Variants in ZBBX observed in about 807,000 individuals in gnomAD.
The protein encoded by ZBBX is zinc finger B-box domain containing.
In ZBBX, 101 loss-of-function variants were observed where a neutral mutation model predicts 108.5. That is an observed-to-expected ratio of 0.93 (90% CI 0.79 to 1.10). The LOEUF (loss-of-function observed/expected upper bound fraction) is 1.10. Among genes scored for constraint, ZBBX ranks in the 50% least tolerant of loss-of-function variants. The pLI is 0.00. For synonymous variants in ZBBX, 356 were observed against 323.4 expected, an observed-to-expected ratio of 1.10 and a Z score of -1.08; for missense variants, 1,009 against 941.4, an observed-to-expected ratio of 1.07 and a Z score of -0.94.
chr3:167,300,243 T>C (rs1311384386), intron 17 of ZBBX, among the ~76,000 whole-genome samples: 1 of 152,178 alleles, frequency 6.6e-6, no homozygotes, highest in Non-Finnish European at 1.5e-5. Context: ...CTATGACAGA[T>C]TATTCCTGAA....
rs116350310 is a variant in ZBBX, at chr3:167,368,825, T to C, written c.69-251A>G. ...CATTGCTAGGGGTTCAAAATTATAA[T>C]TAACTTCATATATAAGGCATGTTTT... is the stretch of plus-strand genomic sequence containing the variant. On this transcript the variant is annotated intron_variant, in intron 4 of 21. Coordinates refer to ENST00000675490, the MANE Select transcript of ZBBX (RefSeq NM_001199201.2). 2.9e-3 allele frequency: 2,235 copies of C among 773,142 alleles called. 42 individuals are homozygous for C. In the African/African-American group the frequency reaches 0.038, roughly 13 times the overall value. 47.9% of individuals were successfully genotyped at this position (773,142 alleles called of 1,614,324 possible).
chr3:167,303,392 T>C (rs192234161), intron 17 of ZBBX, among the ~76,000 whole-genome samples: 105 of 152,304 alleles, frequency 6.9e-4, no homozygotes, highest in South Asian at 1.9e-3. Context: ...GTACATATTA[T>C]CCTCATTCAA....
intron 1 of ZBBX, 106 bp downstream of exon 1, chr3:167,380,141 G>C (rs1364690192): frequency 6.6e-6 from 1 of 152,564 alleles, no homozygotes; most frequent in Non-Finnish European, 1.5e-5. Flanking sequence ...CTTCCCAGCC[G>C]CGCTGCCCGC....
chr3:167,391,181 G>A (rs1469195190), intron 1 of ZBBX, among the ~76,000 whole-genome samples: 2 of 152,052 alleles, frequency 1.3e-5, no homozygotes, highest in African/African-American at 4.8e-5. Context: ...TTTATTGAGA[G>A]TCATTCTCAT....
intron 19 of ZBBX, among the ~76,000 whole-genome samples, chr3:167,282,781 C>G (rs977672178): frequency 2.6e-5 from 4 of 152,052 alleles, no homozygotes; most frequent in Non-Finnish European, 4.4e-5. Flanking sequence ...TATCTATAAA[C>G]TAAGTCAACT....
chr3:167,321,422 G>A (rs1329477587), intron 12 of ZBBX, among the ~76,000 whole-genome samples: 2 of 151,988 alleles, frequency 1.3e-5, no homozygotes, highest in Non-Finnish European at 2.9e-5. Flanking sequence ...CTCTTCCACA[G>A]ATGGAATGGG....
In ZBBX at chr3:167,271,876, C is replaced by T. The variant is rs375080501; in HGVS notation, c.2254+10362G>A. ...GAAGCTATTCCCTTTTCAAATGCAA[C>T]GGCCAATAATGTAGTAAAAGCACTA... On this transcript the variant is annotated intron_variant, in intron 20 of 21. Coordinates refer to ENST00000675490, the MANE Select transcript of ZBBX (RefSeq NM_001199201.2). Among the ~76,000 whole-genome samples the T allele has an allele frequency of 1.1e-3, 161 of 152,208 alleles. 2 individuals carry two copies. Among genetic ancestry groups the T allele is most frequent in the Middle Eastern group, 0.01 (3 of 294 alleles).
chr3:167,291,493 A>G (rs1368897843), intron 18 of ZBBX, among the ~76,000 whole-genome samples: 1 of 152,176 alleles, frequency 6.6e-6, no homozygotes, highest in Non-Finnish European at 1.5e-5. Context: ...TCATTTACAG[A>G]CAAGCAAATG....
intron 17 of ZBBX, among the ~76,000 whole-genome samples, chr3:167,304,764 A>G (rs1412303483): frequency 6.6e-6 from 1 of 152,156 alleles, no homozygotes; most frequent in East Asian, 1.9e-4. Context: ...TGTTGCACCT[A>G]TGGGTATGTT....
chr3:167,346,106 A>T (rs1444141295), intron 9 of ZBBX, among the ~76,000 whole-genome samples: 1 of 151,790 alleles, frequency 6.6e-6, no homozygotes, highest in Non-Finnish European at 1.5e-5. Flanking sequence ...AGGAAATAGG[A>T]ATGCCTGATA....
chr3:167,248,662 A>G (rs1334638724), intron 20 of ZBBX: 2 of 456,592 alleles, frequency 4.4e-6, no homozygotes, highest in Non-Finnish European at 8.8e-6. Flanking sequence ...AGAAAGAAAA[A>G]CAAGGTTTGA....
At chr3:167,275,328 C>T (rs60256059) in intron 20 of ZBBX, among the ~76,000 whole-genome samples, 2,630 of 152,272 alleles carry the variant, frequency 0.017, 76 homozygotes, top group African/African-American at 0.06. Context: ...GCGTGAGCGA[C>T]GCAGAAGACG....
intron 10 of ZBBX, among the ~76,000 whole-genome samples, chr3:167,330,795 AG>A: frequency 1.3e-5 from 2 of 148,694 alleles, no homozygotes; most frequent in Non-Finnish European, 3.0e-5. Context: ...AGAAGAAAGA[AG>A]AAGAAGAAGA....
chr3:167,278,849 CAAT>C (rs1254091849), intron 20 of ZBBX, among the ~76,000 whole-genome samples: 2 of 151,622 alleles, frequency 1.3e-5, no homozygotes, highest in Non-Finnish European at 2.9e-5. Flanking sequence ...CAAAAATCCT[CAAT>C]AAAATACTGG....
At chr3:167,298,600 CAA>C in intron 17 of ZBBX, 142 bp from the exon 18 acceptor site, 1 of 510,902 alleles carries the variant, frequency 2.0e-6, no homozygotes, top group Admixed American at 3.7e-5. Flanking sequence ...ACAGTGGAGA[CAA>C]ATAATAAAAC....
intron 20 of ZBBX, among the ~76,000 whole-genome samples, chr3:167,247,051 C>G (rs1721695853): frequency 6.6e-6 from 1 of 152,174 alleles, no homozygotes; most frequent in African/African-American, 2.4e-5. Context: ...TAAGGCTCCA[C>G]ACCACAGACC....
chr3:167,366,196 A>C (rs993182742), intron 5 of ZBBX, among the ~76,000 whole-genome samples: 2 of 151,910 alleles, frequency 1.3e-5, no homozygotes, highest in Non-Finnish European at 2.9e-5. Flanking sequence ...GAAATGAATA[A>C]AATGAAATGT....
At chr3:167,313,167 T>C (rs1734881115) in intron 16 of ZBBX, among the ~76,000 whole-genome samples, 1 of 152,186 alleles carries the variant, frequency 6.6e-6, no homozygotes, top group African/African-American at 2.4e-5. Context: ...CTTTAAATGA[T>C]CTCACAATCT....
intron 20 of ZBBX, among the ~76,000 whole-genome samples, chr3:167,261,865 C>T (rs887792892): frequency 6.6e-6 from 1 of 151,482 alleles, no homozygotes; most frequent in Non-Finnish European, 1.5e-5. Context: ...CACCCTCCCC[C>T]AAATTCTGGA....
Sources: gnomAD v4.1 joint callset for allele counts (sites outside exome capture counted in the v4.1 genomes callset) on GRCh38, gnomAD v4.1.1 for gene constraint, MANE v1.5 for transcripts, NCBI Gene and HGNC (gene_info 2026-07-23, HGNC 2026-07-21) for gene names.